Variants in HDAC9 observed in about 807,000 individuals in gnomAD.
HDAC9 encodes histone deacetylase 9.
Under a neutral mutation model 139.4 loss-of-function variants are expected in HDAC9, and 41 were observed. That is an observed-to-expected ratio of 0.29 (90% CI 0.23 to 0.38). HDAC9 has a LOEUF of 0.38. Among genes scored for constraint, HDAC9 ranks in the 10% least tolerant of loss-of-function variants. The pLI, the probability that HDAC9 is intolerant of heterozygous loss-of-function variation, is 1.00. For missense variants in HDAC9, 1,147 were observed against 1,297.0 expected, an observed-to-expected ratio of 0.88 and a Z score of 1.78; for synonymous variants, 517 against 476.2, an observed-to-expected ratio of 1.09 and a Z score of -1.12.
At chr7:18,731,475 A>C (rs984055043) in intron 13 of HDAC9, among the ~76,000 whole-genome samples, 1 of 152,172 alleles carries the variant, frequency 6.6e-6, no homozygotes, top group African/African-American at 2.4e-5. Flanking sequence ...TCCACAGCCC[A>C]CTGGATTAGG....
intron 1 of HDAC9, among the ~76,000 whole-genome samples, chr7:18,449,525 T>G (rs1792601275): frequency 6.6e-6 from 1 of 152,156 alleles, no homozygotes; most frequent in African/African-American, 2.4e-5. Flanking sequence ...TCTTTCTTGA[T>G]CTAGCTGGTT....
At chr7:18,751,302 A>T (rs1788425461) in intron 14 of HDAC9, among the ~76,000 whole-genome samples, 1 of 152,124 alleles carries the variant, frequency 6.6e-6, no homozygotes, top group South Asian at 2.1e-4. Context: ...TTAATCACAA[A>T]ATTAACAAAT....
intron 2 of HDAC9, among the ~76,000 whole-genome samples, chr7:18,542,547 A>C (rs1052057822): frequency 1.3e-5 from 2 of 152,254 alleles, no homozygotes; most frequent in Non-Finnish European, 2.9e-5. Flanking sequence ...GAATATGTGC[A>C]GATACTTTTT....
At position 18,906,060 on chromosome 7, in the gene HDAC9, C is replaced by G. The variant is rs139383412; in HGVS notation, c.2804-29749C>G. On this transcript the variant is annotated intron_variant, in intron 22 of 25. Coordinates refer to ENST00000686413, the MANE Select transcript of HDAC9 (RefSeq NM_178425.4). ...CTCTCTTTTCTATCCTTTCTTTTCT[C>G]TCCTTTTGCTTTGTCTCATTGACCC... Among the ~76,000 whole-genome samples, 9 of 148,792 alleles carry G rather than the reference C, an allele frequency of 6.0e-5. No homozygotes were observed. In the East Asian group the frequency reaches 1.8e-3, roughly 29 times the overall value.
chr7:18,715,833 G>C (rs1784659314), intron 12 of HDAC9, among the ~76,000 whole-genome samples: 2 of 152,026 alleles, frequency 1.3e-5, no homozygotes, highest in Non-Finnish European at 2.9e-5. Flanking sequence ...GACCTCTGAT[G>C]AAAACTATAG....
chr7:18,310,698 C>T (rs760416029), intron 1 of HDAC9, among the ~76,000 whole-genome samples: 2 of 152,026 alleles, frequency 1.3e-5, no homozygotes, highest in Non-Finnish European at 2.9e-5. Flanking sequence ...TTGATATATA[C>T]CTGCAGGTGT....
intron 2 of HDAC9, chr7:18,506,143 G>A (rs766979288): frequency 5.3e-5 from 8 of 152,192 alleles, no homozygotes; most frequent in Non-Finnish European, 7.3e-5. Flanking sequence ...TGCCAAAATA[G>A]CATGATAACT....
At chr7:18,698,303 G>A (rs7803715) in intron 12 of HDAC9, among the ~76,000 whole-genome samples, 6,364 of 152,106 alleles carry the variant, frequency 0.042, 460 homozygotes, top group African/African-American at 0.14. Flanking sequence ...ATTAAATTAC[G>A]CCATTTTTAT....
intron 1 of HDAC9, among the ~76,000 whole-genome samples, chr7:18,369,158 T>C (rs1357355055): frequency 1.3e-5 from 2 of 152,076 alleles, no homozygotes; most frequent in Non-Finnish European, 2.9e-5. Context: ...ATTTAGTAGA[T>C]CCTTCTATGT....
Position 18,776,231 on chromosome 7 carries a change from C to T in HDAC9, c.2214+9076C>T, listed in dbSNP as rs530831997. On this transcript the variant is annotated intron_variant, in intron 16 of 25. Coordinates refer to ENST00000686413, the MANE Select transcript of HDAC9 (RefSeq NM_178425.4). ...CTGCTAGGATTAGAGGCCTGAACCA[C>T]TGTGCCTGGCAAATTCTCATTCCAA... is the stretch of plus-strand genomic sequence containing the variant. Among the ~76,000 whole-genome samples, 6 of 152,180 alleles carry T rather than the reference C, an allele frequency of 3.9e-5. No homozygotes were observed. The South Asian group carries it at 1.0e-3, about 26-fold the overall frequency.
At position 18,773,987 on chromosome 7, in the gene HDAC9, AAC is replaced by A. The variant is rs1790540131; in HGVS notation, c.2214+6834_2214+6835del. Among the ~76,000 whole-genome samples, 4 of 142,384 alleles carry A rather than the reference AAC, an allele frequency of 2.8e-5. No homozygotes were observed. The South Asian group carries it at 8.7e-4, about 31-fold the overall frequency. The allele number at this position is 142,384 out of a possible 152,430, so 93.4% of individuals were successfully genotyped here. On this transcript the variant is annotated intron_variant, in intron 16 of 25. Transcript: ENST00000686413. ...TTCTAAACTTTCATTAATGGAGAAC[AAC>A]AGTTTTTTTTTCAAAATTCAAAACC...
intron 2 of HDAC9, among the ~76,000 whole-genome samples, chr7:18,197,635 G>A (rs577560266): frequency 6.6e-6 from 1 of 152,262 alleles, no homozygotes; most frequent in East Asian, 1.9e-4. Context: ...TGGGGCTAGA[G>A]GAGAAAGATG....
chr7:18,674,724 G>A (rs1407945999), intron 12 of HDAC9, among the ~76,000 whole-genome samples: 2 of 151,752 alleles, frequency 1.3e-5, no homozygotes, highest in African/African-American at 4.8e-5. Flanking sequence ...TTTTATTTTC[G>A]ATGTGAAATG....
chr7:18,758,022 C>G (rs1333589186), intron 14 of HDAC9, among the ~76,000 whole-genome samples: 1 of 152,096 alleles, frequency 6.6e-6, no homozygotes, highest in Non-Finnish European at 1.5e-5. Context: ...GAGCATAGCT[C>G]CTTTTCAGAC....
At chr7:18,376,378 C>A (rs895110018) in intron 1 of HDAC9, among the ~76,000 whole-genome samples, 1 of 152,112 alleles carries the variant, frequency 6.6e-6, no homozygotes, top group Non-Finnish European at 1.5e-5. Flanking sequence ...ACTAAACTTG[C>A]CCTGATGCCA....
chr7:18,568,101 A>G (rs1210146791), intron 2 of HDAC9, among the ~76,000 whole-genome samples: 2 of 148,308 alleles, frequency 1.3e-5, no homozygotes, highest in African/African-American at 2.5e-5. Flanking sequence ...GGAACAGTCT[A>G]TGTATGTCTT....
intron 22 of HDAC9, among the ~76,000 whole-genome samples, chr7:18,923,015 A>T (rs920741986): frequency 6.6e-6 from 1 of 152,062 alleles, no homozygotes; most frequent in African/African-American, 2.4e-5. Flanking sequence ...AACTCTTTTG[A>T]CACATGGTGA....
chr7:18,920,225 T>C (rs1043284468), intron 22 of HDAC9, among the ~76,000 whole-genome samples: 20 of 152,266 alleles, frequency 1.3e-4, no homozygotes, highest in Middle Eastern at 3.4e-3. Context: ...CCCTTGTAAG[T>C]TGGATTCCTA....
rs77897412 is a variant in HDAC9, at chr7:18,459,047, T to C, written c.-41-37215T>C. 1.2e-3 allele frequency: 736 copies of C among 629,942 alleles called. 6 individuals are homozygous for C. The East Asian group carries it at 0.017, about 15-fold the overall frequency. 39.0% of individuals were successfully genotyped at this position (629,942 alleles called of 1,614,324 possible). A position where few individuals can be genotyped will look rare whatever the true frequency, so the allele number is the denominator to read the frequency against. ...TGCTTGACCCAGTTTTGCCACGGGC[T>C]ACTGACCAAGAGGTTGCTGTTCGGA... On this transcript the variant is annotated intron_variant, in intron 1 of 3. Transcript: ENST00000413509.
Sources: gnomAD v4.1 joint callset for allele counts (sites outside exome capture counted in the v4.1 genomes callset) on GRCh38, gnomAD v4.1.1 for gene constraint, MANE v1.5 for transcripts, NCBI Gene and HGNC (gene_info 2026-07-23, HGNC 2026-07-21) for gene names.